Variants in BRINP2 observed in about 807,000 individuals in gnomAD.
BRINP2 encodes BMP/retinoic acid-inducible neural-specific protein 2.
BRINP2 carries 21 observed loss-of-function variants against 69.2 expected under a neutral mutation model. The ratio of observed to expected loss-of-function variants is 0.30; its 90% CI spans 0.22 to 0.44. The LOEUF (loss-of-function observed/expected upper bound fraction) is 0.44, where lower values mean the gene tolerates loss of function less well. Ranked by LOEUF, BRINP2 falls within the 20% of genes least tolerant of loss-of-function variation. The probability of loss-of-function intolerance (pLI) is 1.00; values close to 1 mark genes in which losing one functional copy is unlikely to be tolerated. For synonymous variants in BRINP2, 380 were observed against 394.1 expected (o/e 0.96, Z 0.42); for missense variants, 877 against 986.0 (o/e 0.89, Z 1.48).
intron 2 of BRINP2, among the ~76,000 whole-genome samples, chr1:177,247,811 G>T (rs1250165231): frequency 6.6e-6 from 1 of 152,376 alleles, no homozygotes; most frequent in Middle Eastern, 3.4e-3. Context: ...AGCAGGCGGT[G>T]ATTGGTTGGC....
chr1:177,227,149 C>T (rs1381235432), intron 1 of BRINP2, among the ~76,000 whole-genome samples: 2 of 152,174 alleles, frequency 1.3e-5, no homozygotes, highest in East Asian at 3.9e-4. Context: ...CCTGCCCATA[C>T]TCAAGGGGAG....
At chr1:177,275,018 C>T (rs926691854) in intron 5 of BRINP2, 10 of 427,998 alleles carry the variant, frequency 2.3e-5, no homozygotes, top group Non-Finnish European at 4.3e-5. Context: ...AGCTGGCAGA[C>T]GTTTGAGGAA....
intron 3 of BRINP2, chr1:177,256,546 T>C: frequency 3.0e-6 from 3 of 985,334 alleles, no homozygotes; most frequent in Non-Finnish European, 3.6e-6. Flanking sequence ...CCAACTCCAG[T>C]AGTTCTGGGC....
intron 1 of BRINP2, among the ~76,000 whole-genome samples, chr1:177,225,686 TA>T (rs1317916004): frequency 6.6e-6 from 1 of 152,228 alleles, no homozygotes; most frequent in African/African-American, 2.4e-5. Flanking sequence ...CTGTTCCCCT[TA>T]AAAAGCCTGA....
chr1:177,250,317 C>CTTTGTTTG lies in BRINP2; in HGVS notation c.270-5581_270-5574dup, dbSNP rs3041985. ...GCAAATGTAGCCACTTGTGTGCATTCTTTGTTTGTTTGTTTGTTTGTTTGT... is the reference window on the plus strand; with the variant it reads ...GCAAATGTAGCCACTTGTGTGCATTCTTTGTTTGTTTGTTTGTTTGTTTGTTTGTTTGT... On this transcript the variant is annotated intron_variant, in intron 2 of 7. Coordinates refer to ENST00000361539, the MANE Select transcript of BRINP2 (RefSeq NM_021165.4). 5.6e-3 allele frequency among the ~76,000 whole-genome samples: 849 copies of CTTTGTTTG among 150,780 alleles called. 3 individuals are homozygous for CTTTGTTTG. Among genetic ancestry groups the CTTTGTTTG allele is most frequent in the Non-Finnish European group, 8.2e-3 (557 of 67,568 alleles).
chr1:177,200,408 T>G (rs991010774), intron 1 of BRINP2, among the ~76,000 whole-genome samples: 1 of 147,724 alleles, frequency 6.8e-6, no homozygotes, highest in Non-Finnish European at 1.5e-5. Context: ...CACACTCAGA[T>G]GAAAATCTCA....
chr1:177,257,298 C>T lies in BRINP2; in HGVS notation c.583C>T (p.His195Tyr), dbSNP rs1386219251. Residue 195 changes from histidine (H) to tyrosine (Y), a missense_variant, in exon 4 of 8, where the codon CAC becomes TAC. His to Tyr is a moderately conservative substitution (Grantham distance 83, BLOSUM62 2). Transcript: ENST00000361539. ...CACAGCTGTGTCCCTGGAGACCCTG[C>T]ACCAGCTGGCCGCCTCCTACTTCAT... ...NSTAVSLETL[H>Y]QLAASYFIDR... 3 of 1,613,980 alleles carry T rather than the reference C, an allele frequency of 1.9e-6. No homozygotes were observed. Among genetic ancestry groups the T allele is most frequent in the Non-Finnish European group, 2.5e-6 (3 of 1,180,038 alleles).
chr1:177,226,193 C>T (rs145813280), intron 1 of BRINP2, among the ~76,000 whole-genome samples: 8 of 152,358 alleles, frequency 5.3e-5, no homozygotes, highest in African/African-American at 1.9e-4. Flanking sequence ...CATATTGCAA[C>T]ACAGGAGATC....
intron 1 of BRINP2, among the ~76,000 whole-genome samples, chr1:177,191,360 G>A (rs1648589372): frequency 6.6e-6 from 1 of 152,296 alleles, no homozygotes; most frequent in Non-Finnish European, 1.5e-5. Flanking sequence ...GAGAACATGA[G>A]GATGAGGATG....
At chr1:177,235,609 A>G (rs1039778292) in intron 2 of BRINP2, among the ~76,000 whole-genome samples, 3 of 152,208 alleles carry the variant, frequency 2.0e-5, no homozygotes, top group Non-Finnish European at 4.4e-5. Context: ...GAGCTGATTT[A>G]TCATCCGGAC....
At chr1:177,222,608 G>T (rs933770471) in intron 1 of BRINP2, among the ~76,000 whole-genome samples, 3 of 151,662 alleles carry the variant, frequency 2.0e-5, no homozygotes, top group African/African-American at 7.3e-5. Flanking sequence ...CACTGTGGCC[G>T]GTCAGGCCAG....
intron 1 of BRINP2, among the ~76,000 whole-genome samples, chr1:177,174,563 C>T (rs1052334342): frequency 3.3e-5 from 5 of 152,132 alleles, no homozygotes; most frequent in African/African-American, 1.2e-4. Flanking sequence ...TGAGAACTAT[C>T]AGTATTCAAA....
At chr1:177,181,661 A>G (rs1391559526) in intron 1 of BRINP2, among the ~76,000 whole-genome samples, 1 of 152,210 alleles carries the variant, frequency 6.6e-6, no homozygotes, top group East Asian at 1.9e-4. Flanking sequence ...CTCGGTGTTC[A>G]GCCATTTATC....
At chr1:177,197,946 C>T (rs1246740893) in intron 1 of BRINP2, among the ~76,000 whole-genome samples, 2 of 152,092 alleles carry the variant, frequency 1.3e-5, no homozygotes, top group Non-Finnish European at 2.9e-5. Flanking sequence ...TGAGGAGCAA[C>T]TCAAGGATTT....
chr1:177,171,270 G>A lies in BRINP2; in HGVS notation c.-539G>A, dbSNP rs1345189631. 3.3e-5 allele frequency among the ~76,000 whole-genome samples: 5 copies of A among 152,350 alleles called. No homozygotes were observed. The East Asian group carries it at 9.7e-4, about 29-fold the overall frequency. On this transcript the variant is annotated 5_prime_UTR_variant, in exon 1 of 8. Coordinates refer to ENST00000361539, the MANE Select transcript of BRINP2 (RefSeq NM_021165.4). ...TGAGTCTCTTTAGAGTTGGAAAGAA[G>A]GCAAAATCTTGGGTTTCTCCTCGGC...
chr1:177,238,313 G>T (rs1219087975), intron 2 of BRINP2, among the ~76,000 whole-genome samples: 2 of 152,270 alleles, frequency 1.3e-5, no homozygotes, highest in Non-Finnish European at 2.9e-5. Context: ...CTGAAGATAA[G>T]TTGGGCTGCA....
intron 1 of BRINP2, among the ~76,000 whole-genome samples, chr1:177,178,558 A>G (rs1346150136): frequency 6.6e-6 from 1 of 152,076 alleles, no homozygotes; most frequent in Non-Finnish European, 1.5e-5. Context: ...GTATCCCTCT[A>G]TGAAGTCTTC....
chr1:177,267,143 CAG>C (rs1381592106), intron 4 of BRINP2, among the ~76,000 whole-genome samples: 1 of 152,178 alleles, frequency 6.6e-6, no homozygotes, highest in East Asian at 1.9e-4. Context: ...TTGAAAGAAA[CAG>C]AGATCTACTC....
chr1:177,181,122 A>G (rs1187132644), intron 1 of BRINP2, among the ~76,000 whole-genome samples: 2 of 152,258 alleles, frequency 1.3e-5, no homozygotes, highest in African/African-American at 4.8e-5. Context: ...ATTACCCAAG[A>G]TCTCACATCT....
Sources: allele counts gnomAD v4.1 joint callset (sites outside exome capture counted in the v4.1 genomes callset), GRCh38; gene constraint gnomAD v4.1.1; transcripts MANE v1.5; gene names NCBI Gene and HGNC (gene_info 2026-07-23, HGNC 2026-07-21).